Variants in SMCO2 observed in about 807,000 individuals in gnomAD.
SMCO2 encodes single-pass membrane and coiled-coil domain-containing protein 2.
In SMCO2, 25 loss-of-function variants were observed where a neutral mutation model predicts 29.5. The observed-to-expected ratio is 0.85, with a 90% CI of 0.62 to 1.18. The LOEUF (loss-of-function observed/expected upper bound fraction) is 1.18. Among genes scored for constraint, SMCO2 ranks in the 50% most tolerant of loss-of-function variants. The pLI is 0.00. For synonymous variants in SMCO2, 117 were observed against 123.3 expected (o/e 0.95, Z 0.34); for missense variants, 348 against 344.5 (o/e 1.01, Z -0.08).
At chr12:27,426,883 A>G in the SMCO2 span, among the ~76,000 whole-genome samples, 1 of 152,210 alleles carries the variant, frequency 6.6e-6, no homozygotes, top group Admixed American at 6.5e-5. Flanking sequence ...GCTAAGGTGG[A>G]CATCTATAAG....
chr12:27,470,797 T>C (rs1949534986), intron 2 of SMCO2, 32 bp downstream of exon 2: 4 of 1,545,834 alleles, frequency 2.6e-6, no homozygotes, highest in Non-Finnish European at 3.5e-6. Flanking sequence ...AGAAGCAGTT[T>C]CTAGGGTCCC....
At chr12:27,493,035 A>G (rs529349912) in intron 5 of SMCO2, among the ~76,000 whole-genome samples, 77 of 152,366 alleles carry the variant, frequency 5.1e-4, no homozygotes, top group African/African-American at 1.9e-3. Flanking sequence ...TTTTGTGGGA[A>G]CATGGATGGA....
the SMCO2 span, among the ~76,000 whole-genome samples, chr12:27,446,836 G>T: frequency 0.012 from 1,804 of 152,264 alleles, 12 homozygotes; most frequent in South Asian, 0.019. Flanking sequence ...GTAAGTCTGG[G>T]AGGGGGCCTG....
At chr12:27,436,632 A>G in the SMCO2 span, among the ~76,000 whole-genome samples, 1 of 152,232 alleles carries the variant, frequency 6.6e-6, no homozygotes, top group African/African-American at 2.4e-5. Context: ...TTGACTCTGT[A>G]TGAATTTAAA....
At chr12:27,445,206 G>A in the SMCO2 span, among the ~76,000 whole-genome samples, 19 of 152,018 alleles carry the variant, frequency 1.2e-4, no homozygotes, top group African/African-American at 2.9e-4. Context: ...GGGGAATAAA[G>A]GCAAAACAAA....
At chr12:27,446,898 G>T in the SMCO2 span, among the ~76,000 whole-genome samples, 1 of 152,138 alleles carries the variant, frequency 6.6e-6, no homozygotes, top group African/African-American at 2.4e-5. Context: ...TGCTGGTCCA[G>T]GGACCATGCT....
chr12:27,500,795 A>G (rs1485234472), intron 7 of SMCO2, among the ~76,000 whole-genome samples: 3 of 150,624 alleles, frequency 2.0e-5, no homozygotes, highest in Non-Finnish European at 4.4e-5. Context: ...AGTGAAAGCA[A>G]TTATGTGTGT....
At position 27,495,669 on chromosome 12, in the gene SMCO2, T is replaced by C. The variant is rs1942990342; in HGVS notation, c.508-11T>C. The C allele has an allele frequency of 5.5e-6, 8 of 1,451,482 alleles. No individual in the cohort carries two copies. Among genetic ancestry groups the C allele is most frequent in the Non-Finnish European group, 7.4e-6 (8 of 1,083,362 alleles). 89.9% of individuals were successfully genotyped at this position (1,451,482 alleles called of 1,614,324 possible). Reference sequence around the variant, plus strand: ...ATTTTTTTAAGGTACTTGATTACTCTTTTTTTTCAGGACCTTTGCAAGAAT... The same window carrying C: ...ATTTTTTTAAGGTACTTGATTACTCCTTTTTTTCAGGACCTTTGCAAGAAT... On this transcript the variant is annotated splice_polypyrimidine_tract_variant and intron_variant, in intron 6 of 7. Transcript: ENST00000298876.
chr12:27,463,025 G>A (rs1475653356), upstream of SMCO2, among the ~76,000 whole-genome samples: 3 of 152,206 alleles, frequency 2.0e-5, no homozygotes, highest in African/African-American at 7.2e-5. Flanking sequence ...CCTCCTGCTG[G>A]AGTGGAGCAG....
chr12:27,494,487 T>TTTATTATTA (rs60980302), intron 6 of SMCO2, 131 bp downstream of exon 7: 22,508 of 176,248 alleles, frequency 0.13, 1,785 homozygotes, highest in African/African-American at 0.23. Context: ...TTTAATTTAA[T>TTTATTATTA]TTATTATTAT....
At chr12:27,473,946 A>C (rs1222065459) in intron 3 of SMCO2, among the ~76,000 whole-genome samples, 5 of 152,248 alleles carry the variant, frequency 3.3e-5, no homozygotes, top group Admixed American at 3.3e-4. Flanking sequence ...CTTTTCTAGA[A>C]CATGGCAAAG....
intron 4 of SMCO2, among the ~76,000 whole-genome samples, chr12:27,478,854 C>T (rs2083875): frequency 4.0e-4 from 61 of 152,116 alleles, no homozygotes; most frequent in South Asian, 8.3e-4. Flanking sequence ...ACACGGGGGG[C>T]GGGCCTGTCC....
the SMCO2 span, among the ~76,000 whole-genome samples, chr12:27,431,987 G>A: frequency 2.0e-5 from 3 of 152,152 alleles, no homozygotes; most frequent in Non-Finnish European, 2.9e-5. Flanking sequence ...TGGGTGTGCA[G>A]TGATATCTCA....
upstream of SMCO2, among the ~76,000 whole-genome samples, chr12:27,462,842 C>G (rs1323531822): frequency 1.3e-5 from 2 of 152,242 alleles, no homozygotes; most frequent in Admixed American, 6.5e-5. Flanking sequence ...TTACTCCCCT[C>G]TAAGTTTACT....
At chr12:27,479,047 G>A (rs575232488) in intron 4 of SMCO2, among the ~76,000 whole-genome samples, 1 of 152,200 alleles carries the variant, frequency 6.6e-6, no homozygotes, top group Non-Finnish European at 1.5e-5. Context: ...GAACAGGACT[G>A]TTGTCAGGCC....
At chr12:27,428,049 C>G in the SMCO2 span, among the ~76,000 whole-genome samples, 8 of 152,260 alleles carry the variant, frequency 5.3e-5, no homozygotes, top group East Asian at 1.5e-3. Context: ...CCGGATTACC[C>G]TTGTGGGTGA....
intron 4 of SMCO2, among the ~76,000 whole-genome samples, chr12:27,481,496 T>C (rs1303040675): frequency 6.6e-6 from 1 of 152,222 alleles, no homozygotes; most frequent in Non-Finnish European, 1.5e-5. Context: ...AGAAAACCAT[T>C]AAGATTTTCC....
At chr12:27,465,785 A>G (rs1360670186), upstream of SMCO2, among the ~76,000 whole-genome samples, 1 of 152,224 alleles carries the variant, frequency 6.6e-6, no homozygotes, top group Non-Finnish European at 1.5e-5. Flanking sequence ...GACCCAAACC[A>G]AAAAGCTAAT....
At chr12:27,491,515 C>T (rs1047476900) in intron 5 of SMCO2, among the ~76,000 whole-genome samples, 1 of 152,010 alleles carries the variant, frequency 6.6e-6, no homozygotes, top group African/African-American at 2.4e-5. Flanking sequence ...ATTAAACCAC[C>T]CAATTCAGGG....
Sources: gnomAD v4.1 joint callset for allele counts (sites outside exome capture counted in the v4.1 genomes callset) on GRCh38, gnomAD v4.1.1 for gene constraint, MANE v1.5 for transcripts, NCBI Gene and HGNC (gene_info 2026-07-23, HGNC 2026-07-21) for gene names.